Variants in ZNF253 observed in about 807,000 individuals in gnomAD.
ZNF253 encodes DNA-binding protein.
In ZNF253, 8 loss-of-function variants were observed where a neutral mutation model predicts 11.9. The observed-to-expected ratio is 0.67, with a 90% CI of 0.40 to 1.22. The LOEUF is 1.22. Among genes scored for constraint, ZNF253 ranks in the 50% most tolerant of loss-of-function variants. The pLI is 0.01. For synonymous variants in ZNF253, 194 were observed against 194.9 expected (o/e 1.00, Z 0.04); for missense variants, 485 against 586.9 (o/e 0.83, Z 1.79).
intron 1 of ZNF253, 99 bp from the exon 2 acceptor site, chr19:19,878,382 G>A: frequency 6.3e-7 from 1 of 1,596,526 alleles, no homozygotes; most frequent in African/African-American, 1.4e-5. Context: ...AGTCCTTTGA[G>A]TCAGAACCAG....
At chr19:19,875,224 T>C (rs1160539670) in intron 1 of ZNF253, among the ~76,000 whole-genome samples, 1 of 152,140 alleles carries the variant, frequency 6.6e-6, no homozygotes, top group Non-Finnish European at 1.5e-5. Context: ...AAACAAAGTA[T>C]GTATTAGAGG....
intron 1 of ZNF253, 47 bp from the exon 2 acceptor site, chr19:19,878,434 T>A: frequency 6.2e-7 from 1 of 1,612,686 alleles, no homozygotes; most frequent in African/African-American, 1.3e-5. Flanking sequence ...AAATTAAAAA[T>A]TCCTCTCATG....
At position 19,865,936 on chromosome 19, in the gene ZNF253, G is replaced by C. The variant is rs186403351; in HGVS notation, c.-61G>C. The C allele has an allele frequency of 1.9e-4, 305 of 1,610,330 alleles. 1 individual carries two copies. The African/African-American group carries it at 3.8e-3, about 20-fold the overall frequency. ...TTATAGAGGCCCGTCCTCTGTGGCC[G>C]TGTGACCTGCAAGTATTGGGAGAGC... On this transcript the variant is annotated 5_prime_UTR_variant, in exon 1 of 4. Coordinates refer to ENST00000589717, the MANE Select transcript of ZNF253 (RefSeq NM_021047.3).
intron 1 of ZNF253, among the ~76,000 whole-genome samples, chr19:19,867,398 A>G (rs1455996259): frequency 6.6e-6 from 1 of 152,078 alleles, no homozygotes; most frequent in Non-Finnish European, 1.5e-5. Flanking sequence ...AGTGTCACTT[A>G]TTGCCCAGGC....
intron 1 of ZNF253, among the ~76,000 whole-genome samples, chr19:19,873,063 A>G (rs951446743): frequency 6.6e-6 from 1 of 152,188 alleles, no homozygotes; most frequent in Non-Finnish European, 1.5e-5. Context: ...GACATCCTAC[A>G]GCCCCCATTT....
intron 1 of ZNF253, among the ~76,000 whole-genome samples, chr19:19,875,687 G>A (rs1020415017): frequency 2.6e-5 from 4 of 152,076 alleles, no homozygotes; most frequent in Non-Finnish European, 2.9e-5. Context: ...GAGCCACCGC[G>A]CCCAGCCATT....
chr19:19,880,271 C>CGG, intron 3 of ZNF253, 125 bp downstream of exon 3: 1 of 427,324 alleles, frequency 2.3e-6, no homozygotes, highest in Non-Finnish European at 3.8e-6. Context: ...TCCTGGGCAG[C>CGG]TGTTTTTTTT....
chr19:19,886,502 C>T (rs1425682600), intron 3 of ZNF253, among the ~76,000 whole-genome samples: 3 of 152,154 alleles, frequency 2.0e-5, no homozygotes, highest in Admixed American at 1.3e-4. Flanking sequence ...TGGTGGGACA[C>T]GTTTGGATCA....
intron 3 of ZNF253, among the ~76,000 whole-genome samples, chr19:19,885,130 T>G (rs2063193188): frequency 6.6e-6 from 1 of 152,086 alleles, no homozygotes; most frequent in Admixed American, 6.5e-5. Context: ...GTAGTTAAAC[T>G]TTTTTGTTCT....
At chr19:19,884,016 C>T (rs2063188517) in intron 3 of ZNF253, among the ~76,000 whole-genome samples, 1 of 147,356 alleles carries the variant, frequency 6.8e-6, no homozygotes, top group Non-Finnish European at 1.5e-5. Context: ...AAGATCGGGC[C>T]ATTGCACTCC....
intron 2 of ZNF253, among the ~76,000 whole-genome samples, chr19:19,879,270 A>G (rs2063167588): frequency 6.6e-6 from 1 of 152,194 alleles, no homozygotes. Context: ...TAATATTTAA[A>G]TGTACTGCAT....
At chr19:19,874,599 GT>G (rs1191649379) in intron 1 of ZNF253, among the ~76,000 whole-genome samples, 12 of 151,672 alleles carry the variant, frequency 7.9e-5, no homozygotes, top group African/African-American at 2.9e-4. Flanking sequence ...TGACAGGGCG[GT>G]GGCTAGAAAA....
chr19:19,871,856 A>C (rs1329716971), intron 1 of ZNF253, among the ~76,000 whole-genome samples: 1 of 152,118 alleles, frequency 6.6e-6, no homozygotes, highest in African/African-American at 2.4e-5. Flanking sequence ...TTTTTCTTTT[A>C]ATTATTGTTT....
chr19:19,883,136 A>G (rs2063184852), intron 3 of ZNF253, among the ~76,000 whole-genome samples: 1 of 152,080 alleles, frequency 6.6e-6, no homozygotes, highest in Non-Finnish European at 1.5e-5. Flanking sequence ...TCATTGAGAT[A>G]GTTTTATTTT....
chr19:19,869,554 T>A (rs2063124036), intron 1 of ZNF253, among the ~76,000 whole-genome samples: 2 of 150,936 alleles, frequency 1.3e-5, no homozygotes, highest in Non-Finnish European at 2.9e-5. Flanking sequence ...AGAGATGCGG[T>A]TTTTCCATGT....
In ZNF253 at chr19:19,884,404, C is replaced by T. The variant is rs567657716; in HGVS notation, c.226+4258C>T. ...ATTTTTTTTTTGAGATCGAGTCTCC[C>T]GCTGTCACCCAGGCTGGAGTGTAGT... On this transcript the variant is annotated intron_variant, in intron 3 of 3. Transcript: ENST00000589717. Among the ~76,000 whole-genome samples the T allele has an allele frequency of 3.6e-4, 54 of 151,856 alleles. No individual in the cohort carries two copies. In the South Asian group the frequency reaches 0.01, roughly 29 times the overall value.
At chr19:19,881,648 CA>C (rs11301803) in intron 3 of ZNF253, among the ~76,000 whole-genome samples, 34,212 of 95,318 alleles carry the variant, frequency 0.36, 4,341 homozygotes, top group East Asian at 0.63. Flanking sequence ...GACTCCTACT[CA>C]AAAAAAAAAA....
intron 3 of ZNF253, 35 bp from the exon 4 acceptor site, chr19:19,891,439 C>T (rs1356579134): frequency 1.3e-6 from 2 of 1,493,148 alleles, no homozygotes; most frequent in Non-Finnish European, 1.8e-6. Flanking sequence ...CTGAGTCTAG[C>T]AATTGAAGTA....
chr19:19,885,248 TTTCTTTCTTTC>T (rs1358253360), intron 3 of ZNF253, among the ~76,000 whole-genome samples: 5 of 65,664 alleles, frequency 7.6e-5, no homozygotes, highest in South Asian at 4.9e-4. Context: ...TCTTTCTTTC[TTTCTTTCTTTC>T]TTTCTTTCTT....
Sources: gnomAD v4.1 joint callset for allele counts (sites outside exome capture counted in the v4.1 genomes callset) on GRCh38, gnomAD v4.1.1 for gene constraint, MANE v1.5 for transcripts, NCBI Gene and HGNC (gene_info 2026-07-23, HGNC 2026-07-21) for gene names.